RFX3: variants seen among roughly 807,000 people sequenced by gnomAD.
RFX3 encodes the protein regulatory factor X3.
RFX3 carries 14 observed loss-of-function variants against 98.6 expected under a neutral mutation model. The ratio of observed to expected loss-of-function variants is 0.14; its 90% confidence interval spans 0.09 to 0.22. The LOEUF is 0.22. Among genes scored for constraint, RFX3 ranks in the 10% least tolerant of loss-of-function variants. The probability of loss-of-function intolerance (pLI) is 1.00; values close to 1 mark genes in which losing one functional copy is unlikely to be tolerated. For missense variants in RFX3, 639 were observed against 926.9 expected, an observed-to-expected ratio of 0.69 and a Z score of 4.03; for synonymous variants, 383 against 328.4, an observed-to-expected ratio of 1.17 and a Z score of -1.80.
chr9:3,322,752 C>G (rs1460009713), intron 4 of RFX3, among the ~76,000 whole-genome samples: 1 of 152,126 alleles, frequency 6.6e-6, no homozygotes, highest in Non-Finnish European at 1.5e-5. Flanking sequence ...AAAAATTGTA[C>G]TGCCACCTTA....
intron 15 of RFX3, chr9:3,247,609 TA>T: frequency 2.3e-6 from 3 of 1,308,844 alleles, no homozygotes; most frequent in Non-Finnish European, 2.0e-6. Flanking sequence ...TTTATCCTTC[TA>T]AAATAGAATC....
chr9:3,294,786 A>C (rs1273989754), intron 5 of RFX3, among the ~76,000 whole-genome samples: 2 of 152,154 alleles, frequency 1.3e-5, no homozygotes, highest in Non-Finnish European at 2.9e-5. Flanking sequence ...TCTACAAGAC[A>C]AACCAGAGTA....
chr9:3,276,582 C>T (rs181442766), intron 8 of RFX3, among the ~76,000 whole-genome samples: 89 of 152,152 alleles, frequency 5.8e-4, no homozygotes, highest in Admixed American at 1.2e-3. Context: ...GTCTGAGAAA[C>T]GCTGCCATGT....
intron 1 of RFX3, among the ~76,000 whole-genome samples, chr9:3,430,543 T>C (rs939306598): frequency 1.3e-5 from 2 of 152,202 alleles, no homozygotes; most frequent in Non-Finnish European, 1.5e-5. Context: ...ATGTATACTA[T>C]TGTTATCCTT....
chr9:3,524,680 G>A lies in RFX3; in HGVS notation c.-9+1067C>T, dbSNP rs375325403. On this transcript the variant is annotated intron_variant, in intron 1 of 16. Transcript: ENST00000617270. ...AAGTCTCATAATCACAATGAAAATT[G>A]TTAACACTCTACTGCGGGGAAGGAG... 20 of 936,156 alleles carry A rather than the reference G, an allele frequency of 2.1e-5. No individual in the cohort carries two copies. In the East Asian group the frequency reaches 1.2e-3, roughly 54 times the overall value. The allele number at this position is 936,156 out of a possible 1,614,324, so 58.0% of individuals were successfully genotyped here. A position where few individuals can be genotyped will look rare whatever the true frequency, so the allele number is the denominator to read the frequency against.
chr9:3,300,293 G>A (rs941889074), intron 5 of RFX3, among the ~76,000 whole-genome samples: 6 of 151,770 alleles, frequency 4.0e-5, no homozygotes, highest in East Asian at 1.9e-4. Context: ...ATACTATCAT[G>A]TTTAAGTTTG....
At chr9:3,419,625 A>T (rs555088780) in intron 1 of RFX3, among the ~76,000 whole-genome samples, 48 of 152,180 alleles carry the variant, frequency 3.2e-4, no homozygotes, top group Non-Finnish European at 5.7e-4. Flanking sequence ...CTGTACCTTT[A>T]ACAACCTGCA....
intron 13 of RFX3, among the ~76,000 whole-genome samples, chr9:3,257,492 G>A (rs1046423267): frequency 6.6e-6 from 1 of 152,140 alleles, no homozygotes; most frequent in Non-Finnish European, 1.5e-5. Flanking sequence ...TAAAATACAT[G>A]ATGACTTCAA....
chr9:3,458,245 A>T (rs1847368784), intron 1 of RFX3, among the ~76,000 whole-genome samples: 1 of 152,198 alleles, frequency 6.6e-6, no homozygotes, highest in Non-Finnish European at 1.5e-5. Flanking sequence ...ACATAGAATA[A>T]ATAAAATGAA....
chr9:3,237,030 A>T (rs633614), intron 15 of RFX3, among the ~76,000 whole-genome samples: 119,324 of 152,186 alleles, frequency 0.78, 49,671 homozygotes, highest in East Asian at 0.97. Context: ...TTTGGGAAGC[A>T]ACCTTTTAAC....
chr9:3,427,278 A>G (rs1268113804), intron 1 of RFX3, among the ~76,000 whole-genome samples: 1 of 143,534 alleles, frequency 7.0e-6, no homozygotes, highest in East Asian at 2.0e-4. Context: ...ATATTTTATT[A>G]TATAATACTA....
chr9:3,238,145 C>T (rs1024190239), intron 15 of RFX3, among the ~76,000 whole-genome samples: 53 of 152,114 alleles, frequency 3.5e-4, no homozygotes, highest in South Asian at 2.1e-4. Flanking sequence ...ACTCAATTTT[C>T]AAATACTATC....
intron 1 of RFX3, among the ~76,000 whole-genome samples, chr9:3,400,552 A>G (rs1841377217): frequency 6.6e-6 from 1 of 152,226 alleles, no homozygotes; most frequent in African/African-American, 2.4e-5. Flanking sequence ...GCCAGTTGAT[A>G]AAAACTTAGT....
chr9:3,391,377 G>C (rs962117226), intron 2 of RFX3, among the ~76,000 whole-genome samples: 1 of 152,104 alleles, frequency 6.6e-6, no homozygotes, highest in African/African-American at 2.4e-5. Context: ...TTCTAAATAA[G>C]TCTGGGAGGA....
In RFX3 at chr9:3,441,546, T is replaced by C. The variant is rs557265504; in HGVS notation, c.-8-45950A>G. Reference sequence around the variant, plus strand: ...TAAAAGACTCGGGCATCTTGTAGTATCAAAAAATAAAATGTGCTCAACAAA... The same window carrying C: ...TAAAAGACTCGGGCATCTTGTAGTACCAAAAAATAAAATGTGCTCAACAAA... On this transcript the variant is annotated intron_variant, in intron 1 of 16. Coordinates refer to ENST00000617270, the MANE Select transcript of RFX3 (RefSeq NM_001282116.2). Among the ~76,000 whole-genome samples the C allele has an allele frequency of 3.7e-3, 562 of 151,962 alleles. 4 individuals are homozygous for C. Among genetic ancestry groups the C allele is most frequent in the African/African-American group, 0.013 (529 of 41,432 alleles).
chr9:3,301,717 T>C, intron 4 of RFX3, 97 bp from the exon 5 acceptor site: 4 of 802,106 alleles, frequency 5.0e-6, no homozygotes, highest in Non-Finnish European at 8.1e-6. Context: ...TCCAACTTCT[T>C]CCTCAACGGT....
At position 3,525,960 on chromosome 9, in the gene RFX3, G is replaced by T; in HGVS notation, c.-222C>A. The T allele has an allele frequency of 2.2e-6, 1 of 459,332 alleles. No individual in the cohort carries two copies. The highest frequency in any genetic ancestry group is 2.8e-6 in the Non-Finnish European group (1 of 351,066). 28.5% of individuals were successfully genotyped at this position (459,332 alleles called of 1,614,324 possible). A position where few individuals can be genotyped will look rare whatever the true frequency, so the allele number is the denominator to read the frequency against. On this transcript the variant is annotated 5_prime_UTR_variant, in exon 1 of 17. Coordinates refer to ENST00000617270, the MANE Select transcript of RFX3 (RefSeq NM_001282116.2). ...AGAGAGGGAGAGAGAGAGAGAGCGA[G>T]AGGGAGAGGGAGACACTCGCACGGG...
In RFX3 at chr9:3,382,961, G is replaced by A. The variant is rs180710984; in HGVS notation, c.117+12511C>T. On this transcript the variant is annotated intron_variant, in intron 2 of 16. Transcript: ENST00000617270. ...ATAAAACACTAAATAAATACCTATG[G>A]CTATTGACTATAATTTATTAGTAGC... Among the ~76,000 whole-genome samples the A allele has an allele frequency of 4.5e-3, 679 of 151,990 alleles. 3 individuals are homozygous for A. Among genetic ancestry groups the A allele is most frequent in the Non-Finnish European group, 7.4e-3 (502 of 67,934 alleles).
chr9:3,246,732 G>C (rs1820730751), intron 15 of RFX3, among the ~76,000 whole-genome samples: 1 of 152,140 alleles, frequency 6.6e-6, no homozygotes, highest in African/African-American at 2.4e-5. Context: ...GAAAAGTCCA[G>C]ATTGTTTTGG....
Sources: gnomAD v4.1 joint callset for allele counts (sites outside exome capture counted in the v4.1 genomes callset) on GRCh38, gnomAD v4.1.1 for gene constraint, MANE v1.5 for transcripts, NCBI Gene and HGNC (gene_info 2026-07-23, HGNC 2026-07-21) for gene names.